The following DNM2 variants were observed in gnomAD, a reference collection of about 807,000 sequenced individuals.
DNM2 encodes the protein dynamin 2.
In DNM2, 15 loss-of-function variants were observed where a neutral mutation model predicts 99.0. The observed-to-expected ratio is 0.15, with a 90% CI of 0.10 to 0.23. The LOEUF (loss-of-function observed/expected upper bound fraction) is 0.23. DNM2 is among the 10% of genes least tolerant of loss of function. The pLI is 1.00. For synonymous variants in DNM2, 525 were observed against 481.2 expected (o/e 1.09, Z -1.19); for missense variants, 742 against 1,189.4 (o/e 0.62, Z 5.53).
chr19:10,777,357 G>C, intron 5 of DNM2, 141 bp downstream of exon 5: 2 of 806,424 alleles, frequency 2.5e-6, no homozygotes, highest in Non-Finnish European at 4.1e-6. Flanking sequence ...TTCCCTTTGA[G>C]CTATGTATCT....
At chr19:10,759,302 T>G (rs1252525173) in intron 1 of DNM2, among the ~76,000 whole-genome samples, 1 of 152,206 alleles carries the variant, frequency 6.6e-6, no homozygotes, top group Non-Finnish European at 1.5e-5. Flanking sequence ...ATCTGCCTTC[T>G]GCTTCTGTAG....
intron 11 of DNM2, among the ~76,000 whole-genome samples, chr19:10,799,035 G>A: frequency 6.6e-6 from 1 of 152,132 alleles, no homozygotes; most frequent in East Asian, 1.9e-4. Flanking sequence ...AGACCAACGT[G>A]GGCAACATAG....
chr19:10,819,588 G>A (rs2072901645), intron 15 of DNM2, among the ~76,000 whole-genome samples: 1 of 152,040 alleles, frequency 6.6e-6, no homozygotes, highest in South Asian at 2.1e-4. Context: ...CAGCCACCTA[G>A]GTCAATAAGC....
In DNM2 at chr19:10,814,501, T is replaced by C. The variant is rs187043262; in HGVS notation, c.1671+2124T>C. Among the ~76,000 whole-genome samples the C allele has an allele frequency of 2.8e-4, 43 of 152,322 alleles. No homozygotes were observed. The East Asian group carries it at 8.3e-3, about 29-fold the overall frequency. ...AACACCAGACAATTGTTGTTAACTATAGTCTTAACTGCAGTCACCCTACTC... is the reference window on the plus strand; with the variant it reads ...AACACCAGACAATTGTTGTTAACTACAGTCTTAACTGCAGTCACCCTACTC... On this transcript the variant is annotated intron_variant, in intron 15 of 20. Transcript: ENST00000389253.
Position 10,796,035 on chromosome 19 carries a change from C to T in DNM2, c.1196+596C>T, listed in dbSNP as rs1465126159. ...TTTGTTTCTCTCTGACTTATCTCCC[C>T]TGCCCCCGGGTCTGGACGGTTTCAG... On this transcript the variant is annotated intron_variant, in intron 9 of 20. Coordinates refer to ENST00000389253, the MANE Select transcript of DNM2 (RefSeq NM_001005361.3). This position sits in a 1 kb window ranked among gnomAD's most constrained non-coding sequence, Gnocchi z 5.6. 1 of 1,612,782 alleles carries T rather than the reference C, an allele frequency of 6.2e-7. No individual in the cohort carries two copies. Among genetic ancestry groups the T allele is most frequent in the Non-Finnish European group, 8.5e-7 (1 of 1,180,012 alleles).
chr19:10,738,263 A>G (rs953973541), intron 1 of DNM2, among the ~76,000 whole-genome samples: 1 of 151,980 alleles, frequency 6.6e-6, no homozygotes, highest in African/African-American at 2.4e-5. Flanking sequence ...ATCTCAAAAA[A>G]TAAATAAATA....
chr19:10,830,165 C>T lies in DNM2; in HGVS notation c.2330C>T (p.Pro777Leu), dbSNP rs1282571887. 3.1e-6 allele frequency: 5 copies of T among 1,613,820 alleles called. No individual in the cohort carries two copies. The highest frequency in any genetic ancestry group is 4.2e-6 in the Non-Finnish European group (5 of 1,179,782). Residue 777 changes from proline (P) to leucine (L), a missense_variant, in exon 20 of 21, where the codon CCC becomes CTC. Physicochemically the swap from Pro to Leu is moderately conservative, Grantham distance 98. Around this residue, in one of 7 missense-constraint regions of DNM2, gnomAD observed 187 missense variants for 218.8 expected, o/e 0.85. Transcript: ENST00000389253. This position sits in a 1 kb window ranked among gnomAD's most constrained non-coding sequence, Gnocchi z 4.8. ...PQRRPVSSIHPPGRPPAVRGP... is the reference protein window; with the variant it reads ...PQRRPVSSIHLPGRPPAVRGP... The stretch of plus-strand genomic sequence containing the variant: ...CGCCGACCGGTGTCCAGCATACACC[C>T]CCCTGGCCGGCCCCCAGCAGTGAGG...
chr19:10,794,740 A>G (rs532537058), intron 8 of DNM2, among the ~76,000 whole-genome samples: 1 of 150,422 alleles, frequency 6.6e-6, no homozygotes, highest in South Asian at 2.1e-4. Context: ...GCCAGACCCT[A>G]TCTCAAAAAA....
chr19:10,814,329 T>C (rs1345108497), intron 15 of DNM2, among the ~76,000 whole-genome samples: 2 of 152,118 alleles, frequency 1.3e-5, no homozygotes, highest in African/African-American at 4.8e-5. Flanking sequence ...TCTGGCGTGG[T>C]GGCGCATACC....
chr19:10,784,515 G>T (rs2071486703), intron 6 of DNM2, among the ~76,000 whole-genome samples: 1 of 152,202 alleles, frequency 6.6e-6, no homozygotes, highest in Admixed American at 6.5e-5. Context: ...AGGGAGCCTG[G>T]AGGGGGCTCA....
intron 1 of DNM2, among the ~76,000 whole-genome samples, chr19:10,734,654 A>T (rs2069457417): frequency 6.6e-6 from 1 of 150,984 alleles, no homozygotes; most frequent in Non-Finnish European, 1.5e-5. Context: ...AAAAAAAAAA[A>T]AAAAAAAGCC....
At chr19:10,760,105 C>T (rs922766214) in intron 2 of DNM2, among the ~76,000 whole-genome samples, 1 of 152,050 alleles carries the variant, frequency 6.6e-6, no homozygotes, top group Non-Finnish European at 1.5e-5. Context: ...GCTATCTTGG[C>T]TCACTGCAAC....
intron 1 of DNM2, among the ~76,000 whole-genome samples, chr19:10,756,870 G>C (rs576412877): frequency 6.6e-6 from 1 of 152,104 alleles, no homozygotes; most frequent in South Asian, 2.1e-4. Flanking sequence ...CCATCTCTCT[G>C]GTTTCGCCCC....
At chr19:10,757,347 G>A (rs553474958) in intron 1 of DNM2, among the ~76,000 whole-genome samples, 3 of 152,204 alleles carry the variant, frequency 2.0e-5, no homozygotes, top group African/African-American at 7.2e-5. Flanking sequence ...ATCATCCAGG[G>A]TGTGTGGAAA....
intron 15 of DNM2, among the ~76,000 whole-genome samples, chr19:10,813,954 G>A (rs1022445994): frequency 2.0e-5 from 3 of 152,188 alleles, no homozygotes; most frequent in African/African-American, 7.2e-5. Context: ...CCTGGGGTCA[G>A]GTATTCAAGA....
chr19:10,774,779 A>T (rs370995164), intron 3 of DNM2, among the ~76,000 whole-genome samples: 1,355 of 83,896 alleles, frequency 0.016, 15 homozygotes, highest in African/African-American at 0.045. Context: ...TTATATATTT[A>T]TTTTTTTTTT....
At position 10,772,870 on chromosome 19, in the gene DNM2, T is replaced by G. The variant is rs528959622; in HGVS notation, c.385+242T>G. Among the ~76,000 whole-genome samples the G allele has an allele frequency of 1.3e-5, 2 of 152,286 alleles. No homozygotes were observed. Among genetic ancestry groups the G allele is most frequent in the Admixed American group, 6.5e-5 (1 of 15,278 alleles). On this transcript the variant is annotated intron_variant, in intron 3 of 20. Transcript: ENST00000389253. This position sits in a 1 kb window ranked among gnomAD's most constrained non-coding sequence, Gnocchi z 4.9. ...GAAGTTGTTTGGAGTGGTGGGGGAT[T>G]GCAGCCATTTCCCCCTTTTACCAAG... is the stretch of plus-strand genomic sequence containing the variant.
At position 10,782,627 on chromosome 19, in the gene DNM2, G is replaced by A. The variant is rs954460184; in HGVS notation, c.689-333G>A. Among the ~76,000 whole-genome samples the A allele has an allele frequency of 3.3e-5, 5 of 152,134 alleles. No individual in the cohort carries two copies. The East Asian group carries it at 9.7e-4, about 29-fold the overall frequency. On this transcript the variant is annotated intron_variant, in intron 5 of 20. Transcript: ENST00000389253. ...CCCACCTCAGCCTCCCAAAGTGATG[G>A]GATTACAGGCGTGAGCCACCGCTCC... is the stretch of plus-strand genomic sequence containing the variant.
At chr19:10,802,544 C>A in intron 12 of DNM2, 186 bp downstream of exon 12, 1 of 698,434 alleles carries the variant, frequency 1.4e-6, no homozygotes. Context: ...GGTCCACTGT[C>A]CCCAACCAAC....
Sources: allele counts gnomAD v4.1 joint callset (sites outside exome capture counted in the v4.1 genomes callset), GRCh38; gene constraint gnomAD v4.1.1; regional missense constraint gnomAD v4.1.1; non-coding constraint Gnocchi (gnomAD v3.1); transcripts MANE v1.5; gene names NCBI Gene and HGNC (gene_info 2026-07-23, HGNC 2026-07-21).